The following DYSF variants were observed in gnomAD, a reference collection of about 807,000 sequenced individuals.
The protein encoded by DYSF is dysferlin.
In DYSF, 212 loss-of-function variants were observed where a neutral mutation model predicts 274.9. The ratio of observed to expected loss-of-function variants is 0.77; its 90% CI spans 0.69 to 0.86. DYSF has a LOEUF of 0.86. Among genes scored for constraint, DYSF ranks in the 40% least tolerant of loss-of-function variants. The probability of loss-of-function intolerance (pLI) is 0.00; values close to 1 mark genes in which losing one functional copy is unlikely to be tolerated. For missense variants in DYSF, 2,666 were observed against 2,783.2 expected, an observed-to-expected ratio of 0.96 and a Z score of 0.95; for synonymous variants, 1,091 against 1,078.7, an observed-to-expected ratio of 1.01 and a Z score of -0.22.
intron 17 of DYSF, among the ~76,000 whole-genome samples, chr2:71,540,119 T>C (rs888199485): frequency 5.3e-5 from 8 of 150,956 alleles, no homozygotes; most frequent in African/African-American, 1.7e-4. Context: ...TTTTTCTTTT[T>C]TTTTTTTTTT....
rs143988723 is a variant in DYSF, at chr2:71,510,908, T to C, written c.346-899T>C. On this transcript the variant is annotated intron_variant, in intron 4 of 55. Coordinates refer to ENST00000410020, the MANE Select transcript of DYSF (RefSeq NM_001130987.2). ...ACTGGAATGTGGAGTCACGGAATTA[T>C]GGACAATTGGTTTTCTTTTGCCTTA... Among the ~76,000 whole-genome samples the C allele has an allele frequency of 5.0e-3, 761 of 152,386 alleles. 4 individuals are homozygous for C. The highest frequency in any genetic ancestry group is 0.018 in the African/African-American group (730 of 41,592).
chr2:71,504,553 C>A (rs1573574686), intron 4 of DYSF, among the ~76,000 whole-genome samples: 1 of 152,174 alleles, frequency 6.6e-6, no homozygotes, highest in Non-Finnish European at 1.5e-5. Flanking sequence ...TGGAACTACC[C>A]CTTCAGGGGT....
At chr2:71,609,167 G>C (rs1253535908) in intron 36 of DYSF, among the ~76,000 whole-genome samples, 1 of 152,132 alleles carries the variant, frequency 6.6e-6, no homozygotes, top group Non-Finnish European at 1.5e-5. Context: ...AGCTGTGTAG[G>C]CCCTGCCTCC....
Position 71,481,893 on chromosome 2 carries a change from C to T in DYSF, c.162C>T (p.Asp54=), listed in dbSNP as rs755413969. ...TTTTCTTCCAGGGATTTGAATGGGACCTCAAGGGCATCCCCCTGGACCAGG... is the reference window on the plus strand; with the variant it reads ...TTTTCTTCCAGGGATTTGAATGGGATCTCAAGGGCATCCCCCTGGACCAGG... ...NPVWNEGFEW[D]LKGIPLDQGS... The change falls in exon 3 of 56, where the codon GAC becomes GAT. Residue 54 remains aspartate (D), a synonymous_variant. Transcript: ENST00000410020. The T allele has an allele frequency of 1.9e-6, 3 of 1,614,054 alleles. No homozygotes were observed. The East Asian group carries it at 6.7e-5, about 36-fold the overall frequency.
rs1188613388 is a variant in DYSF at position 71,541,851 on chromosome 2, C to T, written c.1576+2612C>T. 2.6e-5 allele frequency among the ~76,000 whole-genome samples: 4 copies of T among 151,348 alleles called. No homozygotes were observed. In the East Asian group the frequency reaches 7.7e-4, roughly 29 times the overall value. ...TTCATAGTTAGTCTATTTTTTTTTC[C>T]TGACTAGATGCTGCTCATAGGAATT... is the stretch of plus-strand genomic sequence containing the variant. On this transcript the variant is annotated intron_variant, in intron 17 of 55. Transcript: ENST00000410020.
intron 26 of DYSF, among the ~76,000 whole-genome samples, chr2:71,568,935 C>T (rs1251679046): frequency 5.3e-5 from 8 of 151,328 alleles, no homozygotes; most frequent in South Asian, 2.1e-4. Flanking sequence ...TGCAGTGGCG[C>T]GATCTCGGCT....
chr2:71,685,970 T>C (rs1457061150), intron 55 of DYSF, among the ~76,000 whole-genome samples: 3 of 152,082 alleles, frequency 2.0e-5, no homozygotes, highest in Non-Finnish European at 4.4e-5. Flanking sequence ...TCCCCAACTC[T>C]CTCTCTGCTT....
At chr2:71,522,472 G>A (rs2087399964) in intron 12 of DYSF, among the ~76,000 whole-genome samples, 1 of 152,034 alleles carries the variant, frequency 6.6e-6, no homozygotes, top group South Asian at 2.1e-4. Flanking sequence ...TCCTCCCTTA[G>A]TATTCATGAC....
At chr2:71,556,677 G>C (rs1336197869) in intron 22 of DYSF, among the ~76,000 whole-genome samples, 1 of 152,146 alleles carries the variant, frequency 6.6e-6, no homozygotes, top group African/African-American at 2.4e-5. Context: ...TTTAATAAAT[G>C]GTAGCTATAA....
intron 41 of DYSF, among the ~76,000 whole-genome samples, chr2:71,635,032 G>A (rs771784148): frequency 7.9e-5 from 12 of 152,172 alleles, no homozygotes; most frequent in Non-Finnish European, 1.6e-4. Context: ...TGACACCCAT[G>A]CAGCCATCTC....
chr2:71,659,112 C>T (rs2094831041), intron 44 of DYSF, 79 bp downstream of exon 44: 2 of 1,586,254 alleles, frequency 1.3e-6, no homozygotes, highest in South Asian at 2.2e-5. Flanking sequence ...GACACAAACT[C>T]TGCCTCAGGG....
At chr2:71,618,431 TGGG>T (rs200339108) in intron 40 of DYSF, among the ~76,000 whole-genome samples, 22 of 41,858 alleles carry the variant, frequency 5.3e-4, no homozygotes, top group African/African-American at 1.5e-3. Context: ...GTGGTAGAGG[TGGG>T]GTGTGTGTGG....
chr2:71,516,972 A>G lies in DYSF; in HGVS notation c.952-17A>G, dbSNP rs778496697. The G allele has an allele frequency of 6.2e-7, 1 of 1,614,072 alleles. No homozygotes were observed. Among genetic ancestry groups the G allele is most frequent in the Non-Finnish European group, 8.5e-7 (1 of 1,179,944 alleles). On this transcript the variant is annotated splice_polypyrimidine_tract_variant and intron_variant, in intron 9 of 55. Transcript: ENST00000410020. ...ATGTTCCCTGTGAATGTGAGTTTCC[A>G]TGATCTTTCTCTGCAGGTGGTAGAC...
chr2:71,467,473 A>C (rs1281478630), intron 1 of DYSF, among the ~76,000 whole-genome samples: 1 of 152,202 alleles, frequency 6.6e-6, no homozygotes, highest in African/African-American at 2.4e-5. Flanking sequence ...GAGGAATGTC[A>C]AGGATATTTT....
In DYSF at chr2:71,656,294, A is replaced by G. The variant is rs1454818065; in HGVS notation, c.4755+4A>G. 6.2e-7 allele frequency: 1 copy of G among 1,613,820 alleles called. No homozygotes were observed. Among genetic ancestry groups the G allele is most frequent in the Non-Finnish European group, 8.5e-7 (1 of 1,179,994 alleles). On this transcript the variant is annotated splice_donor_region_variant and intron_variant, in intron 43 of 55. Transcript: ENST00000410020. ...ATCTGTGATTGGTGAATTTAAGGTA[A>G]ATCCTCGAAGACGTCCCTAACCCAG...
chr2:71,540,095 A>G (rs1375865910), intron 17 of DYSF, among the ~76,000 whole-genome samples: 1 of 151,500 alleles, frequency 6.6e-6, no homozygotes, highest in Admixed American at 6.6e-5. Flanking sequence ...CTGTGTGAAA[A>G]GATTTCAACT....
intron 41 of DYSF, among the ~76,000 whole-genome samples, chr2:71,629,256 T>C (rs2094271030): frequency 6.6e-6 from 1 of 152,238 alleles, no homozygotes; most frequent in Non-Finnish European, 1.5e-5. Context: ...GAGTTTTCAG[T>C]CTTAAGTACT....
At chr2:71,510,496 C>T (rs1559038951) in intron 4 of DYSF, among the ~76,000 whole-genome samples, 1 of 152,222 alleles carries the variant, frequency 6.6e-6, no homozygotes. Flanking sequence ...CCTCCTGGGT[C>T]TCCTGGGATG....
At chr2:71,628,129 T>C (rs965137803) in intron 41 of DYSF, among the ~76,000 whole-genome samples, 1 of 152,122 alleles carries the variant, frequency 6.6e-6, no homozygotes, top group Non-Finnish European at 1.5e-5. Flanking sequence ...CCTCCTTTTT[T>C]CCATCCCTTC....
Sources: allele counts gnomAD v4.1 joint callset (sites outside exome capture counted in the v4.1 genomes callset), GRCh38; gene constraint gnomAD v4.1.1; transcripts MANE v1.5; gene names NCBI Gene and HGNC (gene_info 2026-07-23, HGNC 2026-07-21).